The following IGSF21 variants were observed in gnomAD, a reference collection of about 807,000 sequenced individuals.
IGSF21 encodes immunoglobin superfamily member 21, also known as immunoglobulin superfamily member 21.
A neutral mutation model predicts 46.8 loss-of-function variants in IGSF21; 28 were observed. The observed-to-expected ratio is 0.60, with a 90% CI of 0.44 to 0.82. The LOEUF is 0.82. Ranked by LOEUF, IGSF21 falls within the 40% of genes least tolerant of loss-of-function variation. The pLI, the probability that IGSF21 is intolerant of heterozygous loss-of-function variation, is 0.00. For synonymous variants in IGSF21, 284 were observed against 273.6 expected, an observed-to-expected ratio of 1.04 and a Z score of -0.38; for missense variants, 624 against 665.5, an observed-to-expected ratio of 0.94 and a Z score of 0.69.
intron 3 of IGSF21, among the ~76,000 whole-genome samples, chr1:18,328,461 TA>T (rs1411721935): frequency 2.0e-5 from 3 of 152,200 alleles, no homozygotes; most frequent in Non-Finnish European, 4.4e-5. Flanking sequence ...CTGTCTTAAG[TA>T]AAAAAATCGT....
chr1:18,287,965 G>A (rs568159090), intron 2 of IGSF21, among the ~76,000 whole-genome samples: 87 of 152,206 alleles, frequency 5.7e-4, no homozygotes, highest in African/African-American at 1.9e-3. Context: ...GAGGGACACA[G>A]AAAAACAGAT....
chr1:18,175,675 C>A (rs1020969882), intron 1 of IGSF21, among the ~76,000 whole-genome samples: 2 of 152,140 alleles, frequency 1.3e-5, no homozygotes, highest in Non-Finnish European at 2.9e-5. Context: ...CTGTTCTGAA[C>A]CTTCCTTCCC....
At chr1:18,250,086 ACTCCCTCCCTCGCTCCCTCCCTCC>A (rs1441461723) in intron 2 of IGSF21, among the ~76,000 whole-genome samples, 4 of 39,586 alleles carry the variant, frequency 1.0e-4, no homozygotes, top group Non-Finnish European at 1.5e-4. Context: ...TCCATCCCCC[ACTCCCTCCCTCGCTCCCTCCCTCC>A]CTCCCTCCCT....
intron 2 of IGSF21, among the ~76,000 whole-genome samples, chr1:18,281,684 G>A (rs1484273030): frequency 6.6e-6 from 1 of 152,076 alleles, no homozygotes; most frequent in African/African-American, 2.4e-5. Flanking sequence ...TTGTTAAACT[G>A]GGAAAGAGCC....
At chr1:18,329,836 C>G (rs1019137904) in intron 3 of IGSF21, among the ~76,000 whole-genome samples, 1 of 152,232 alleles carries the variant, frequency 6.6e-6, no homozygotes, top group African/African-American at 2.4e-5. Flanking sequence ...GCTCCAGATT[C>G]AGCAGAAGCT....
At chr1:18,114,595 CA>C (rs2086172646) in intron 1 of IGSF21, 1 of 152,196 alleles carries the variant, frequency 6.6e-6, no homozygotes, top group African/African-American at 2.4e-5. Flanking sequence ...GATAAAGTAG[CA>C]GAGGCCCTGA....
At chr1:18,138,842 T>C (rs370724389) in intron 1 of IGSF21, among the ~76,000 whole-genome samples, 1 of 152,234 alleles carries the variant, frequency 6.6e-6, no homozygotes, top group East Asian at 1.9e-4. Context: ...ATTAGCTAAA[T>C]GTCTTGTCAA....
At chr1:18,318,489 T>C (rs1017272175) in intron 3 of IGSF21, among the ~76,000 whole-genome samples, 44 of 148,918 alleles carry the variant, frequency 3.0e-4, no homozygotes, top group African/African-American at 8.5e-4. Context: ...TGTGTGTGTG[T>C]GCGTGCGTTT....
At chr1:18,248,941 C>T (rs1225870802) in intron 2 of IGSF21, among the ~76,000 whole-genome samples, 1 of 152,018 alleles carries the variant, frequency 6.6e-6, no homozygotes, top group South Asian at 2.1e-4. Flanking sequence ...GTTGGCTTCG[C>T]AGGGGAAGAA....
rs114119317 is a variant in IGSF21 at position 18,220,178 on chromosome 1, G to A, written c.71-7720G>A. 2.4e-3 allele frequency among the ~76,000 whole-genome samples: 370 copies of A among 152,270 alleles called. 2 individuals are homozygous for A. Among genetic ancestry groups the A allele is most frequent in the African/African-American group, 8.1e-3 (335 of 41,576 alleles). On this transcript the variant is annotated intron_variant, in intron 1 of 9. Transcript: ENST00000251296. ...GCCTTACAGTCTCTCCCTTACCACC[G>A]TGCTGTCTGCTGACGCATGGTTAAC...
intron 1 of IGSF21, among the ~76,000 whole-genome samples, chr1:18,187,157 T>C (rs917102404): frequency 3.3e-5 from 5 of 152,032 alleles, no homozygotes; most frequent in African/African-American, 1.2e-4. Flanking sequence ...TGGGGAGGGC[T>C]CTCTTCTTGG....
intron 1 of IGSF21, among the ~76,000 whole-genome samples, chr1:18,161,552 A>G (rs1425554947): frequency 6.6e-6 from 1 of 152,146 alleles, no homozygotes; most frequent in Non-Finnish European, 1.5e-5. Flanking sequence ...TCACATTGCA[A>G]GCGCCCATTC....
intron 1 of IGSF21, among the ~76,000 whole-genome samples, chr1:18,132,263 CA>C (rs2086328610): frequency 6.6e-6 from 1 of 152,086 alleles, no homozygotes; most frequent in South Asian, 2.1e-4. Context: ...CTATGACAAA[CA>C]CACTGACCTA....
At chr1:18,230,736 G>A (rs566108831) in intron 2 of IGSF21, among the ~76,000 whole-genome samples, 6 of 152,184 alleles carry the variant, frequency 3.9e-5, no homozygotes, top group African/African-American at 1.4e-4. Context: ...CAGCTGAAGG[G>A]AGAGAGATAA....
chr1:18,278,992 A>T (rs2085132156), intron 2 of IGSF21: 2 of 451,680 alleles, frequency 4.4e-6, no homozygotes, highest in South Asian at 3.3e-5. Flanking sequence ...TATAGAACTA[A>T]GCTAGGGCTT....
chr1:18,285,839 G>C (rs188587077), intron 2 of IGSF21, among the ~76,000 whole-genome samples: 1 of 152,348 alleles, frequency 6.6e-6, no homozygotes, highest in Admixed American at 6.5e-5. Context: ...AGGAGGTGAT[G>C]TTTGCAAGCA....
At chr1:18,273,466 T>TCTC (rs2085068550) in intron 2 of IGSF21, among the ~76,000 whole-genome samples, 2 of 12,456 alleles carry the variant, frequency 1.6e-4, no homozygotes, top group African/African-American at 2.9e-4. Flanking sequence ...TTCTCTCTCT[T>TCTC]TCTTTCTTTC....
chr1:18,188,102 T>G (rs1008581672), intron 1 of IGSF21, among the ~76,000 whole-genome samples: 1 of 152,230 alleles, frequency 6.6e-6, no homozygotes, highest in Non-Finnish European at 1.5e-5. Context: ...AAAGACTCTA[T>G]CTTTTCTTAG....
intron 5 of IGSF21, among the ~76,000 whole-genome samples, chr1:18,363,169 T>C (rs2086120974): frequency 6.6e-6 from 1 of 152,228 alleles, no homozygotes; most frequent in South Asian, 2.1e-4. Context: ...CTACGTACCC[T>C]TTCAATTTTG....
Sources: allele counts gnomAD v4.1 joint callset (sites outside exome capture counted in the v4.1 genomes callset), GRCh38; gene constraint gnomAD v4.1.1; transcripts MANE v1.5; gene names NCBI Gene and HGNC (gene_info 2026-07-23, HGNC 2026-07-21).